STARD3NL: variants seen among roughly 807,000 people sequenced by gnomAD.
The protein encoded by STARD3NL is STARD3 N-terminal like, also known as STARD3 N-terminal-like protein.
In STARD3NL, 17 loss-of-function variants were observed where a neutral mutation model predicts 30.9. The observed-to-expected ratio is 0.55, with a 90% CI of 0.38 to 0.82. The LOEUF (loss-of-function observed/expected upper bound fraction) is 0.82. STARD3NL is among the 40% of genes least tolerant of loss of function. The pLI, the probability that STARD3NL is intolerant of heterozygous loss-of-function variation, is 0.00. For missense variants in STARD3NL, 234 were observed against 277.6 expected (o/e 0.84, Z 1.12); for synonymous variants, 112 against 100.5 (o/e 1.11, Z -0.69).
intron 1 of STARD3NL, among the ~76,000 whole-genome samples, chr7:38,204,314 A>G (rs889354711): frequency 6.6e-6 from 1 of 152,192 alleles, no homozygotes; most frequent in Non-Finnish European, 1.5e-5. Context: ...TCAAACTAGA[A>G]CTCAGGATGA....
At chr7:38,198,070 A>G (rs545699507) in intron 1 of STARD3NL, 3 of 152,370 alleles carry the variant, frequency 2.0e-5, no homozygotes, top group South Asian at 4.1e-4. Flanking sequence ...CTCAAATCCC[A>G]TGACTGTATT....
At chr7:38,218,189 G>A (rs1207944397) in intron 6 of STARD3NL, among the ~76,000 whole-genome samples, 1 of 152,016 alleles carries the variant, frequency 6.6e-6, no homozygotes, top group Non-Finnish European at 1.5e-5. Context: ...TTATGCCTCT[G>A]CTGGCCATCT....
At chr7:38,190,592 C>T (rs1216055673) in intron 1 of STARD3NL, among the ~76,000 whole-genome samples, 3 of 152,166 alleles carry the variant, frequency 2.0e-5, no homozygotes, top group African/African-American at 4.8e-5. Context: ...TCCTTCAGTA[C>T]TTCAGCGTGC....
intron 1 of STARD3NL, among the ~76,000 whole-genome samples, chr7:38,201,396 T>G (rs931361491): frequency 2.6e-5 from 4 of 152,192 alleles, no homozygotes; most frequent in Non-Finnish European, 5.9e-5. Context: ...GATTGATACG[T>G]TTCTTAATCT....
At chr7:38,191,792 G>A (rs1366292353) in intron 1 of STARD3NL, among the ~76,000 whole-genome samples, 2 of 151,924 alleles carry the variant, frequency 1.3e-5, no homozygotes, top group African/African-American at 4.8e-5. Flanking sequence ...CTGAAGCTTT[G>A]TGGAGTCTTT....
Position 38,217,044 on chromosome 7 carries a change from G to C in STARD3NL, c.401G>C (p.Ser134Thr). The change falls in exon 5 of 9, where the codon AGT (serine) becomes ACT (threonine). Residue 134 changes from serine to threonine, a missense_variant. Transcript: ENST00000009041. The part of the protein sequence containing the change: ...WAIALTTAVT[S>T]AFLLAKVILS... ...TTGCAGTTGACAACGGCAGTGACCA[G>C]TGCCTTTTTACTAGCAAAAGTGATC... is the stretch of plus-strand genomic sequence containing the variant. 2 of 1,614,132 alleles carry C rather than the reference G, an allele frequency of 1.2e-6. No individual in the cohort carries two copies. The highest frequency in any genetic ancestry group is 1.7e-6 in the Non-Finnish European group (2 of 1,179,972).
chr7:38,217,326 G>T (rs201756654), intron 6 of STARD3NL, 21 bp downstream of exon 6: 7 of 1,610,164 alleles, frequency 4.3e-6, no homozygotes, highest in Non-Finnish European at 5.9e-6. Context: ...CTCAAAGTCA[G>T]CCTCCTGAGG....
At chr7:38,225,855 C>G (rs1220418378) in intron 7 of STARD3NL, among the ~76,000 whole-genome samples, 1 of 152,158 alleles carries the variant, frequency 6.6e-6, no homozygotes. Flanking sequence ...CAGGTTGACA[C>G]GGATGTGTCT....
intron 2 of STARD3NL, among the ~76,000 whole-genome samples, chr7:38,213,658 T>C (rs935885434): frequency 6.6e-6 from 1 of 152,204 alleles, no homozygotes; most frequent in African/African-American, 2.4e-5. Flanking sequence ...GTCCCCTTAC[T>C]TGATTTTTTA....
At chr7:38,219,726 C>A in intron 7 of STARD3NL, 66 bp downstream of exon 7, 1 of 1,338,374 alleles carries the variant, frequency 7.5e-7, no homozygotes, top group Non-Finnish European at 1.1e-6. Flanking sequence ...TCCTTCCTTT[C>A]CCTACCCCCT....
At chr7:38,198,393 A>T (rs554765123) in intron 1 of STARD3NL, 1 of 152,172 alleles carries the variant, frequency 6.6e-6, no homozygotes, top group African/African-American at 2.4e-5. Flanking sequence ...TGGTGATTCT[A>T]TATCTTTTGA....
At chr7:38,193,072 C>T (rs1401995905) in intron 1 of STARD3NL, among the ~76,000 whole-genome samples, 1 of 152,040 alleles carries the variant, frequency 6.6e-6, no homozygotes, top group Non-Finnish European at 1.5e-5. Flanking sequence ...AACAGATATC[C>T]ACTTGGAAAT....
intron 7 of STARD3NL, among the ~76,000 whole-genome samples, chr7:38,225,815 T>C (rs1421651216): frequency 6.6e-6 from 1 of 152,214 alleles, no homozygotes. Flanking sequence ...TATGTTGTGT[T>C]TTCATTTGAA....
intron 2 of STARD3NL, among the ~76,000 whole-genome samples, chr7:38,212,622 T>C (rs948580394): frequency 1.3e-5 from 2 of 152,144 alleles, no homozygotes; most frequent in Admixed American, 6.5e-5. Flanking sequence ...ATAAAGATCA[T>C]TGTGGCAGTG....
chr7:38,181,791 A>G (rs917005227), intron 1 of STARD3NL, among the ~76,000 whole-genome samples: 9 of 152,194 alleles, frequency 5.9e-5, no homozygotes, highest in Non-Finnish European at 4.4e-5. Context: ...CCAGGTCATC[A>G]TGATTTGACC....
intron 1 of STARD3NL, among the ~76,000 whole-genome samples, chr7:38,206,222 C>T (rs912078202): frequency 2.0e-5 from 3 of 152,140 alleles, no homozygotes; most frequent in Non-Finnish European, 2.9e-5. Flanking sequence ...TCTTCTTTAC[C>T]TAGACATTGC....
rs756302708 is a variant in STARD3NL at position 38,215,087 on chromosome 7, C to T, written c.363C>T (p.Arg121=). The T allele has an allele frequency of 2.5e-6, 4 of 1,613,964 alleles. No homozygotes were observed. The South Asian group carries it at 4.4e-5, about 18-fold the overall frequency. ...TTGCATATGCTGTGTGCAGACTGCG[C>T]CATTGGTGGGCAATAGCGGTGAGTA... is the stretch of plus-strand genomic sequence containing the variant. ...LILAYAVCRL[R]HWWAIALTTA... Residue 121 remains arginine (R), a synonymous_variant, in exon 4 of 9, where the codon CGC becomes CGT. Transcript: ENST00000009041.
chr7:38,214,578 T>G, intron 3 of STARD3NL, 144 bp downstream of exon 3: 1 of 549,096 alleles, frequency 1.8e-6, no homozygotes, highest in Non-Finnish European at 3.2e-6. Flanking sequence ...TCCCCACCCA[T>G]TCAATGTTCT....
chr7:38,194,846 C>G (rs1784836177), intron 1 of STARD3NL, among the ~76,000 whole-genome samples: 1 of 152,080 alleles, frequency 6.6e-6, no homozygotes, highest in African/African-American at 2.4e-5. Flanking sequence ...AAATAATTAT[C>G]TGTCTTAAAA....
Sources: gnomAD v4.1 joint callset for allele counts (sites outside exome capture counted in the v4.1 genomes callset) on GRCh38, gnomAD v4.1.1 for gene constraint, MANE v1.5 for transcripts, NCBI Gene and HGNC (gene_info 2026-07-23, HGNC 2026-07-21) for gene names.